The following HNF4A variants were observed in gnomAD, a reference collection of about 807,000 sequenced individuals.
HNF4A encodes the protein hepatocyte nuclear factor 4-alpha.
In HNF4A, 15 loss-of-function variants were observed where a neutral mutation model predicts 52.4. The ratio of observed to expected loss-of-function variants is 0.29; its 90% CI spans 0.19 to 0.44. HNF4A has a LOEUF of 0.44. HNF4A is among the 20% of genes least tolerant of loss of function. The pLI is 1.00. For synonymous variants in HNF4A, 280 were observed against 264.4 expected, an observed-to-expected ratio of 1.06 and a Z score of -0.57; for missense variants, 479 against 647.2, an observed-to-expected ratio of 0.74 and a Z score of 2.82.
intron 1 of HNF4A, 109 bp from the exon 2 acceptor site, chr20:44,405,949 C>T: frequency 9.6e-7 from 1 of 1,041,420 alleles, no homozygotes; most frequent in Non-Finnish European, 1.5e-6. Flanking sequence ...GTGGGAACAG[C>T]CCCCAGATCT....
intron 1 of HNF4A, among the ~76,000 whole-genome samples, chr20:44,384,825 G>A (rs1302792861): frequency 1.3e-5 from 2 of 152,082 alleles, no homozygotes; most frequent in African/African-American, 4.8e-5. Flanking sequence ...TAGAGAGATA[G>A]GCTGAGTCAT....
At chr20:44,368,160 A>ATATATATATTTTTTTT (rs1200638153) in intron 1 of HNF4A, among the ~76,000 whole-genome samples, 11 of 27,776 alleles carry the variant, frequency 4.0e-4, no homozygotes, top group Admixed American at 1.7e-3. Flanking sequence ...ATATATATAT[A>ATATATATATTTTTTTT]TTTTTTTTTT....
chr20:44,368,186 A>G (rs1414772205), intron 1 of HNF4A, among the ~76,000 whole-genome samples: 1 of 12,594 alleles, frequency 7.9e-5, no homozygotes, highest in Non-Finnish European at 1.7e-4. Context: ...TTTTTTTTTG[A>G]GACAGGGTCT....
At chr20:44,373,610 C>T (rs1457284230) in intron 1 of HNF4A, among the ~76,000 whole-genome samples, 1 of 152,088 alleles carries the variant, frequency 6.6e-6, no homozygotes, top group Non-Finnish European at 1.5e-5. Flanking sequence ...CTAATAAACC[C>T]CTAAACGTGG....
At chr20:44,409,267 G>A (rs2063547328) in intron 3 of HNF4A, among the ~76,000 whole-genome samples, 1 of 152,186 alleles carries the variant, frequency 6.6e-6, no homozygotes, top group African/African-American at 2.4e-5. Flanking sequence ...TTTTCAATGG[G>A]GTTAAGCCTG....
intron 3 of HNF4A, among the ~76,000 whole-genome samples, chr20:44,411,147 G>A (rs959930445): frequency 3.9e-5 from 6 of 152,100 alleles, no homozygotes; most frequent in Admixed American, 1.3e-4. Context: ...CCCAGAAAGC[G>A]GACCCAGAGT....
chr20:44,406,667 G>T (rs1377882320), intron 2 of HNF4A, among the ~76,000 whole-genome samples: 1 of 152,182 alleles, frequency 6.6e-6, no homozygotes, highest in Admixed American at 6.5e-5. Context: ...GTCTTCCCAA[G>T]GCCTTGGAGA....
At chr20:44,414,865 T>A (rs2063640958) in intron 5 of HNF4A, among the ~76,000 whole-genome samples, 1 of 152,228 alleles carries the variant, frequency 6.6e-6, no homozygotes, top group Non-Finnish European at 1.5e-5. Context: ...ATGAGGTAGG[T>A]ACTAAGGTAC....
Position 44,401,341 on chromosome 20 carries a change from G to A in HNF4A, c.-32G>A. 6.2e-7 allele frequency: 1 copy of A among 1,613,694 alleles called. No homozygotes were observed. The highest frequency in any genetic ancestry group is 8.5e-7 in the Non-Finnish European group (1 of 1,179,924). Reference sequence around the variant, plus strand: ...GCCTTCGGGGTGGGCGCCCAGGGTAGGGCAGGTGGCCGCGGCGTGGAGGCA... The same window carrying A: ...GCCTTCGGGGTGGGCGCCCAGGGTAAGGCAGGTGGCCGCGGCGTGGAGGCA... On this transcript the variant is annotated 5_prime_UTR_variant, in exon 1 of 10. Coordinates refer to ENST00000316099, the MANE Select transcript of HNF4A (RefSeq NM_000457.6).
chr20:44,424,049 C>G lies in HNF4A; in HGVS notation c.924C>G (p.Ile308Met), dbSNP rs746259207. The G allele has an allele frequency of 6.2e-7, 1 of 1,613,170 alleles. No homozygotes were observed. Among genetic ancestry groups the G allele is most frequent in the Non-Finnish European group, 8.5e-7 (1 of 1,179,920 alleles). ...AGGGGCTGAGCGATCCAGGGAAGATCAAGCGGCTGCGTTCCCAGGTGCAGG... is the reference window on the plus strand; with the variant it reads ...AGGGGCTGAGCGATCCAGGGAAGATGAAGCGGCTGCGTTCCCAGGTGCAGG... Residue 308 changes from isoleucine (I) to methionine (M), a missense_variant, in exon 8 of 10, where the codon ATC becomes ATG. Coordinates refer to ENST00000316099, the MANE Select transcript of HNF4A (RefSeq NM_000457.6).
At chr20:44,404,033 A>AG (rs2063447645) in intron 1 of HNF4A, among the ~76,000 whole-genome samples, 1 of 152,100 alleles carries the variant, frequency 6.6e-6, no homozygotes. Context: ...CACCAAGTGG[A>AG]GGGGGCTGCA....
rs3746576 is a variant in HNF4A, at chr20:44,429,551, G to T, written c.1311G>T (p.Pro437=). The T allele has an allele frequency of 4.0e-5, 64 of 1,613,936 alleles. No individual in the cohort carries two copies. The East Asian group carries it at 1.4e-3, about 35-fold the overall frequency. The stretch of plus-strand genomic sequence containing the variant: ...CCCCTGAGACCCCACAGCCCTCACC[G>T]CCAGGTGGCTCAGGGTCTGAGCCCT... The change falls in exon 10 of 10, where the codon CCG becomes CCT. Residue 437 remains proline (P), a synonymous_variant. Coordinates refer to ENST00000316099, the MANE Select transcript of HNF4A (RefSeq NM_000457.6).
chr20:44,401,629 T>G, intron 1 of HNF4A: 1 of 1,106,888 alleles, frequency 9.0e-7, no homozygotes, highest in East Asian at 2.6e-5. Flanking sequence ...GCACAGGTGT[T>G]GCCAAGTGAA....
At chr20:44,355,925 C>A in intron 1 of HNF4A, 72 bp downstream of exon 1, 2 of 1,333,232 alleles carry the variant, frequency 1.5e-6, no homozygotes, top group Non-Finnish European at 2.1e-6. Flanking sequence ...GGACACCTCC[C>A]CGTGTGTTTC....
rs199678287 is a variant in HNF4A at position 44,406,113 on chromosome 20, C to T, written c.171C>T (p.Ser57=). Residue 57 remains serine, a synonymous_variant, in exon 2 of 10, where the codon AGC becomes AGT. Coordinates refer to ENST00000316099, the MANE Select transcript of HNF4A (RefSeq NM_000457.6). ...ACGCGCCCAACAGCCTGGGTGTCAGCGCCCTGTGTGCCATCTGCGGGGACC... is the reference window on the plus strand; with the variant it reads ...ACGCGCCCAACAGCCTGGGTGTCAGTGCCCTGTGTGCCATCTGCGGGGACC... 2.2e-5 allele frequency: 35 copies of T among 1,613,478 alleles called. No homozygotes were observed. The highest frequency in any genetic ancestry group is 2.7e-5 in the Non-Finnish European group (32 of 1,180,024).
chr20:44,366,459 A>G (rs2062971207), intron 1 of HNF4A, among the ~76,000 whole-genome samples: 1 of 152,182 alleles, frequency 6.6e-6, no homozygotes, highest in African/African-American at 2.4e-5. Flanking sequence ...CATCTCTACT[A>G]AAAATTCAAA....
At chr20:44,402,390 G>A (rs1311269101) in intron 1 of HNF4A, among the ~76,000 whole-genome samples, 1 of 152,112 alleles carries the variant, frequency 6.6e-6, no homozygotes, top group African/African-American at 2.4e-5. Context: ...TTTGTCGTGT[G>A]CCCATATTTG....
intron 1 of HNF4A, among the ~76,000 whole-genome samples, chr20:44,365,237 T>C (rs1568688812): frequency 6.6e-6 from 1 of 152,146 alleles, no homozygotes; most frequent in Non-Finnish European, 1.5e-5. Context: ...GCCACAATCA[T>C]GGTTCACTGC....
chr20:44,372,884 A>G (rs1049084108), intron 1 of HNF4A: 3 of 152,332 alleles, frequency 2.0e-5, no homozygotes, highest in Admixed American at 6.5e-5. Flanking sequence ...GACACCTTCA[A>G]ATGAAGGGGC....
Sources: allele counts gnomAD v4.1 joint callset (sites outside exome capture counted in the v4.1 genomes callset), GRCh38; gene constraint gnomAD v4.1.1; transcripts MANE v1.5; gene names NCBI Gene and HGNC (gene_info 2026-07-23, HGNC 2026-07-21).